ADAM9: variants seen among roughly 807,000 people sequenced by gnomAD.
The protein encoded by ADAM9 is disintegrin and metalloproteinase domain-containing protein 9.
A neutral mutation model predicts 108.1 loss-of-function variants in ADAM9; 54 were observed. The ratio of observed to expected loss-of-function variants is 0.50; its 90% confidence interval spans 0.40 to 0.63. The LOEUF (loss-of-function observed/expected upper bound fraction) is 0.63. ADAM9 is among the 20% of genes least tolerant of loss of function. The pLI is 0.00. For synonymous variants in ADAM9, 316 were observed against 336.0 expected (o/e 0.94, Z 0.65); for missense variants, 830 against 997.7 (o/e 0.83, Z 2.26).
chr8:39,060,000 C>T lies in ADAM9; in HGVS notation c.1591+4228C>T, dbSNP rs540145007. ...TGGCTCAATTACATACGTAGCACTT[C>T]CATTTCATGATGGGGTGCTGCTGCA... On this transcript the variant is annotated intron_variant, in intron 14 of 21. Coordinates refer to ENST00000487273, the MANE Select transcript of ADAM9 (RefSeq NM_003816.3). Among the ~76,000 whole-genome samples the T allele has an allele frequency of 2.6e-5, 4 of 152,294 alleles. No homozygotes were observed. The South Asian group carries it at 8.3e-4, about 32-fold the overall frequency.
At chr8:39,089,272 T>C (rs183561504) in intron 18 of ADAM9, among the ~76,000 whole-genome samples, 5 of 152,134 alleles carry the variant, frequency 3.3e-5, no homozygotes, top group Non-Finnish European at 5.9e-5. Context: ...AAAAAAATTA[T>C]CAACTCATAG....
chr8:39,080,190 AAAT>A lies in ADAM9; in HGVS notation c.1882-2450_1882-2448del, dbSNP rs553464614. ...TCTGCTTGTTTACTTAATAACAAAA[AAAT>A]GAATATATTTTTCTCAAAGTTGTCG... On this transcript the variant is annotated intron_variant, in intron 16 of 21. Coordinates refer to ENST00000487273, the MANE Select transcript of ADAM9 (RefSeq NM_003816.3). Among the ~76,000 whole-genome samples the A allele has an allele frequency of 1.6e-4, 25 of 151,646 alleles. No homozygotes were observed. The East Asian group carries it at 4.9e-3, about 30-fold the overall frequency.
intron 11 of ADAM9, among the ~76,000 whole-genome samples, chr8:39,035,694 G>A (rs1437503075): frequency 6.6e-6 from 1 of 152,088 alleles, no homozygotes; most frequent in Non-Finnish European, 1.5e-5. Context: ...GCGGGCGCCT[G>A]TAGTCCCAGC....
chr8:39,085,673 C>T (rs1322293640), intron 18 of ADAM9, among the ~76,000 whole-genome samples: 6 of 152,092 alleles, frequency 3.9e-5, no homozygotes, highest in Admixed American at 2.6e-4. Context: ...CATTGTTTTT[C>T]CTGAAAAATC....
chr8:39,045,384 A>ACAT (rs575204301), intron 12 of ADAM9, among the ~76,000 whole-genome samples: 1 of 19,198 alleles, frequency 5.2e-5, no homozygotes, highest in African/African-American at 1.4e-4. Context: ...ATACACCTAT[A>ACAT]GGTGTGTGTA....
intron 20 of ADAM9, among the ~76,000 whole-genome samples, chr8:39,097,100 AT>A (rs1469712825): frequency 2.6e-5 from 4 of 152,144 alleles, no homozygotes; most frequent in Admixed American, 1.3e-4. Flanking sequence ...CATTTGAAGA[AT>A]TAGCTGCCTT....
chr8:39,013,731 G>T (rs1425986064), intron 3 of ADAM9, among the ~76,000 whole-genome samples: 1 of 151,900 alleles, frequency 6.6e-6, no homozygotes, highest in Non-Finnish European at 1.5e-5. Context: ...CAAACTCCTG[G>T]CCTCAAGTGA....
intron 20 of ADAM9, among the ~76,000 whole-genome samples, chr8:39,100,740 C>T (rs1295786212): frequency 2.6e-5 from 4 of 152,176 alleles, no homozygotes; most frequent in African/African-American, 9.7e-5. Context: ...AGGTCTTCAC[C>T]ACCACTGTGC....
rs73617985 is a variant in ADAM9 at position 39,027,470 on chromosome 8, A to G, written c.1130+660A>G. Among the ~76,000 whole-genome samples the G allele has an allele frequency of 6.3e-3, 962 of 152,312 alleles. 12 individuals are homozygous for G. Among genetic ancestry groups the G allele is most frequent in the African/African-American group, 0.022 (918 of 41,568 alleles). ...TACTCATCAGTGAAATGAGGTGCAC[A>G]TACTTTATCTCCATTTGCAGATGAG... On this transcript the variant is annotated intron_variant, in intron 11 of 21. Coordinates refer to ENST00000487273, the MANE Select transcript of ADAM9 (RefSeq NM_003816.3).
chr8:39,088,270 CTT>C (rs35266733), intron 18 of ADAM9, among the ~76,000 whole-genome samples: 1 of 147,504 alleles, frequency 6.8e-6, no homozygotes, highest in Non-Finnish European at 1.5e-5. Flanking sequence ...TTTTATACAA[CTT>C]TTTTTTTTTT....
intron 12 of ADAM9, among the ~76,000 whole-genome samples, chr8:39,050,837 T>G (rs1019137263): frequency 2.0e-5 from 3 of 149,884 alleles, no homozygotes; most frequent in Non-Finnish European, 3.0e-5. Context: ...AGTGTTTTTT[T>G]TTTTTTTTTT....
chr8:39,045,471 TACAC>T (rs765395278), intron 12 of ADAM9, among the ~76,000 whole-genome samples: 1 of 94,420 alleles, frequency 1.1e-5, no homozygotes, highest in Non-Finnish European at 2.7e-5. Context: ...TGCGTGTGTG[TACAC>T]ACACCTATAT....
At chr8:39,011,745 C>CCA in intron 3 of ADAM9, 29 bp downstream of exon 3, 1 of 1,573,884 alleles carries the variant, frequency 6.4e-7, no homozygotes, top group South Asian at 1.1e-5. Context: ...TTTGGCTTTT[C>CCA]AGTAATGTTT....
chr8:39,082,825 T>G, intron 17 of ADAM9, 104 bp downstream of exon 17: 1 of 1,352,234 alleles, frequency 7.4e-7, no homozygotes, highest in South Asian at 1.2e-5. Context: ...TTGGGGAATT[T>G]AGATTCCTGA....
rs1356672225 is a variant in ADAM9, at chr8:39,053,132, C to T, written c.1303-1349C>T. On this transcript the variant is annotated intron_variant, in intron 12 of 21. Transcript: ENST00000487273. ...ATGTGCTTTTTTGCCATCAGGCTAT[C>T]TTATGGTGATATGACTGTTCAACTC... is the stretch of plus-strand genomic sequence containing the variant. Among the ~76,000 whole-genome samples the T allele has an allele frequency of 3.9e-5, 6 of 152,188 alleles. No individual in the cohort carries two copies. In the South Asian group the frequency reaches 8.3e-4, roughly 21 times the overall value.
At chr8:39,102,864 A>G (rs969232250) in intron 21 of ADAM9, among the ~76,000 whole-genome samples, 4 of 152,212 alleles carry the variant, frequency 2.6e-5, no homozygotes, top group Admixed American at 2.6e-4. Context: ...AAGATAATTT[A>G]TTACTTCATT....
chr8:39,089,894 G>T lies in ADAM9; in HGVS notation c.2069-153G>T, dbSNP rs1285073023. ...GTGAAGGCAGAAGTAAAGCGGACAG[G>T]AATGAACTTTGTGGAAGACTTCTCA... On this transcript the variant is annotated intron_variant, in intron 18 of 21. Coordinates refer to ENST00000487273, the MANE Select transcript of ADAM9 (RefSeq NM_003816.3). 4.0e-5 allele frequency: 33 copies of T among 821,418 alleles called. 1 individual carries two copies. The East Asian group carries it at 8.0e-4, about 20-fold the overall frequency. 50.9% of individuals were successfully genotyped at this position (821,418 alleles called of 1,614,324 possible).
At chr8:39,061,686 T>C (rs987007421) in intron 14 of ADAM9, among the ~76,000 whole-genome samples, 1 of 152,120 alleles carries the variant, frequency 6.6e-6, no homozygotes, top group African/African-American at 2.4e-5. Context: ...GTCGTTTTGC[T>C]GAGCCATCAC....
rs1029362334 is a variant in ADAM9 at position 39,018,789 on chromosome 8, G to T, written c.607-64G>T. 4.4e-6 allele frequency: 6 copies of T among 1,361,840 alleles called. No individual in the cohort carries two copies. The African/African-American group carries it at 8.6e-5, about 19-fold the overall frequency. 84.4% of individuals were successfully genotyped at this position (1,361,840 alleles called of 1,614,324 possible). Reference sequence around the variant, plus strand: ...AGCAGACATGAAATAAGTGATGAGAGATTAGGATGTGATCATAGCCTTATA... The same window carrying T: ...AGCAGACATGAAATAAGTGATGAGATATTAGGATGTGATCATAGCCTTATA... On this transcript the variant is annotated intron_variant, in intron 6 of 21. Transcript: ENST00000487273.
Sources: allele counts gnomAD v4.1 joint callset (sites outside exome capture counted in the v4.1 genomes callset), GRCh38; gene constraint gnomAD v4.1.1; transcripts MANE v1.5; gene names NCBI Gene and HGNC (gene_info 2026-07-23, HGNC 2026-07-21).